The following C1GALT1 variants were observed in gnomAD, a reference collection of about 807,000 sequenced individuals.
The protein encoded by C1GALT1 is glycoprotein-N-acetylgalactosamine 3-beta-galactosyltransferase 1.
Under a neutral mutation model 31.0 loss-of-function variants are expected in C1GALT1, and 11 were observed. The ratio of observed to expected loss-of-function variants is 0.36; its 90% CI spans 0.22 to 0.59. The LOEUF is 0.59. Among genes scored for constraint, C1GALT1 ranks in the 20% least tolerant of loss-of-function variants. The pLI is 0.79. For synonymous variants in C1GALT1, 175 were observed against 143.6 expected (o/e 1.22, Z -1.56); for missense variants, 424 against 425.2 (o/e 1.00, Z 0.03).
intron 1 of C1GALT1, among the ~76,000 whole-genome samples, chr7:7,231,345 G>A (rs1783063575): frequency 6.6e-6 from 1 of 151,922 alleles, no homozygotes; most frequent in Admixed American, 6.6e-5. Flanking sequence ...TTTTTAATGT[G>A]AGGGTTGGTA....
intron 1 of C1GALT1, among the ~76,000 whole-genome samples, chr7:7,228,499 A>T (rs1197922833): frequency 1.3e-5 from 2 of 152,144 alleles, no homozygotes; most frequent in Non-Finnish European, 2.9e-5. Flanking sequence ...GTCTTTTTCC[A>T]GTCTAGTCTA....
chr7:7,183,625 A>C (rs1428460521), intron 1 of C1GALT1: 3 of 981,822 alleles, frequency 3.1e-6, no homozygotes, highest in South Asian at 9.4e-5. Flanking sequence ...AGATGACCAT[A>C]ATTTAGCGCT....
upstream of C1GALT1, among the ~76,000 whole-genome samples, chr7:7,180,325 A>G (rs1037449652): frequency 6.6e-6 from 1 of 152,240 alleles, no homozygotes; most frequent in Non-Finnish European, 1.5e-5. Context: ...ACTTCTAGGA[A>G]TGTGTTCAAG....
At chr7:7,224,194 A>G (rs1212362130) in intron 1 of C1GALT1, among the ~76,000 whole-genome samples, 1 of 151,972 alleles carries the variant, frequency 6.6e-6, no homozygotes, top group South Asian at 2.1e-4. Context: ...TTAGTACTTA[A>G]CATGCTAATT....
Position 7,246,378 on chromosome 7 carries a change from C to T in C1GALT1, c.*2651C>T, listed in dbSNP as rs1184977529. ...TGTATATGATATATGACGTCTGATGCATTGGCCAGTAATAGTCAAATTAAC... is the reference window on the plus strand; with the variant it reads ...TGTATATGATATATGACGTCTGATGTATTGGCCAGTAATAGTCAAATTAAC... On this transcript the variant is annotated 3_prime_UTR_variant, in exon 4 of 4. Transcript: ENST00000436587. 6.6e-6 allele frequency: 1 copy of T among 152,154 alleles called. No individual in the cohort carries two copies. The highest frequency in any genetic ancestry group is 1.5e-5 in the Non-Finnish European group (1 of 68,028). 9.4% of individuals were successfully genotyped at this position (152,154 alleles called of 1,614,324 possible). A position where few individuals can be genotyped will look rare whatever the true frequency, so the allele number is the denominator to read the frequency against.
chr7:7,194,014 A>G (rs1781182069), intron 1 of C1GALT1, among the ~76,000 whole-genome samples: 3 of 151,992 alleles, frequency 2.0e-5, no homozygotes. Flanking sequence ...CGATTTGTGT[A>G]CATTAATTTT....
intron 3 of C1GALT1, among the ~76,000 whole-genome samples, chr7:7,242,021 C>T (rs1455697974): frequency 6.6e-6 from 1 of 151,912 alleles, no homozygotes; most frequent in African/African-American, 2.4e-5. Context: ...GTTTAATATG[C>T]ACTGGACAGT....
intron 1 of C1GALT1, among the ~76,000 whole-genome samples, chr7:7,186,906 A>G (rs1780840229): frequency 6.6e-6 from 1 of 152,154 alleles, no homozygotes; most frequent in African/African-American, 2.4e-5. Flanking sequence ...AGATCCTTGT[A>G]AGGTTTTGGC....
At chr7:7,171,083 G>C (rs1025585952) in intron 2 of C1GALT1, among the ~76,000 whole-genome samples, 1 of 142,422 alleles carries the variant, frequency 7.0e-6, no homozygotes, top group African/African-American at 2.5e-5. Context: ...TATGTATTCT[G>C]CTGTTATTGG....
chr7:7,170,258 C>G (rs1468391147), intron 2 of C1GALT1, among the ~76,000 whole-genome samples: 1 of 152,054 alleles, frequency 6.6e-6, no homozygotes. Flanking sequence ...CTGATTCTCT[C>G]TATTGTTTAT....
At chr7:7,196,117 C>T (rs190802672) in intron 1 of C1GALT1, among the ~76,000 whole-genome samples, 28 of 151,862 alleles carry the variant, frequency 1.8e-4, no homozygotes, top group Non-Finnish European at 2.9e-4. Flanking sequence ...ACAACGTGCA[C>T]GTTTGTTACA....
At chr7:7,164,479 G>A (rs537328084) in intron 2 of C1GALT1, among the ~76,000 whole-genome samples, 23 of 152,232 alleles carry the variant, frequency 1.5e-4, no homozygotes, top group African/African-American at 1.9e-4. Flanking sequence ...TTTTGCCATA[G>A]GCTGGGTTTT....
chr7:7,233,417 T>A (rs1783183355), intron 1 of C1GALT1, among the ~76,000 whole-genome samples: 1 of 152,122 alleles, frequency 6.6e-6, no homozygotes, highest in African/African-American at 2.4e-5. Flanking sequence ...CACCTTATTC[T>A]TCCCAAGTAG....
chr7:7,194,121 C>G (rs1781186686), intron 1 of C1GALT1, among the ~76,000 whole-genome samples: 1 of 152,034 alleles, frequency 6.6e-6, no homozygotes, highest in South Asian at 2.1e-4. Flanking sequence ...CATCAGCAAA[C>G]AGCAACAGTT....
At chr7:7,240,455 A>C (rs1467563330) in intron 3 of C1GALT1, among the ~76,000 whole-genome samples, 1 of 152,164 alleles carries the variant, frequency 6.6e-6, no homozygotes, top group African/African-American at 2.4e-5. Context: ...TTTTTGATGT[A>C]AACTTTTCTT....
At chr7:7,204,822 A>T (rs1781668370) in intron 1 of C1GALT1, among the ~76,000 whole-genome samples, 1 of 151,978 alleles carries the variant, frequency 6.6e-6, no homozygotes, top group Non-Finnish European at 1.5e-5. Flanking sequence ...TTTGATTTCC[A>T]CGCATTTGTG....
At chr7:7,230,895 C>T (rs748954159) in intron 1 of C1GALT1, among the ~76,000 whole-genome samples, 9 of 151,762 alleles carry the variant, frequency 5.9e-5, no homozygotes, top group Non-Finnish European at 1.3e-4. Flanking sequence ...ATACTAATAT[C>T]TTGTGAGACT....
chr7:7,167,129 G>A (rs4720724), intron 2 of C1GALT1, among the ~76,000 whole-genome samples: 107,448 of 152,106 alleles, frequency 0.71, 39,675 homozygotes, highest in East Asian at 0.93. Flanking sequence ...GAAGACCAGT[G>A]GTTCAGCTGC....
intron 1 of C1GALT1, among the ~76,000 whole-genome samples, chr7:7,221,359 C>T (rs1291257666): frequency 6.6e-6 from 1 of 152,050 alleles, no homozygotes; most frequent in Non-Finnish European, 1.5e-5. Flanking sequence ...ATACCTTGTT[C>T]TTCATGAATG....
Sources: allele counts gnomAD v4.1 joint callset (sites outside exome capture counted in the v4.1 genomes callset), GRCh38; gene constraint gnomAD v4.1.1; transcripts MANE v1.5; gene names NCBI Gene and HGNC (gene_info 2026-07-23, HGNC 2026-07-21).